LIFR: variants seen among roughly 807,000 people sequenced by gnomAD.
LIFR encodes LIF receptor subunit alpha, also known as leukemia inhibitory factor receptor.
Under a neutral mutation model 122.2 loss-of-function variants are expected in LIFR, and 84 were observed. The ratio of observed to expected loss-of-function variants is 0.69; its 90% confidence interval spans 0.58 to 0.82. The LOEUF is 0.82. Ranked by LOEUF, LIFR falls within the 40% of genes least tolerant of loss-of-function variation. The probability of loss-of-function intolerance (pLI) is 0.00; values close to 1 mark genes in which losing one functional copy is unlikely to be tolerated. For missense variants in LIFR, 1,294 were observed against 1,311.6 expected (o/e 0.99, Z 0.21); for synonymous variants, 422 against 434.7 (o/e 0.97, Z 0.36).
upstream of LIFR, among the ~76,000 whole-genome samples, chr5:38,595,727 CTTTTTTTTTTTT>C (rs70978897): frequency 6.5e-5 from 6 of 91,934 alleles, no homozygotes; most frequent in African/African-American, 2.1e-4. Context: ...CACAATAGGT[CTTTTTTTTTTTT>C]TTTTTTTTTT....
At position 38,482,589 on chromosome 5, in the gene LIFR, C is replaced by A; in HGVS notation, c.2670G>T (p.Glu890Asp). The A allele has an allele frequency of 2.1e-6, 3 of 1,432,632 alleles. No homozygotes were observed. The highest frequency in any genetic ancestry group is 2.9e-6 in the Non-Finnish European group (3 of 1,042,196). The allele number at this position is 1,432,632 out of a possible 1,614,324, so 88.7% of individuals were successfully genotyped here. ...KALQFQKSVC[E>D]GSSALKTLEM... ...TAAATATAAGAAAATAAAAGATTAC[C>A]TCACAGACACTCTTTTGAAACTGTA... The change falls in exon 19 of 20, where the codon GAG becomes GAT. Residue 890 changes from glutamate to aspartate, a missense_variant and splice_region_variant. By Grantham distance (45) the Glu-to-Asp change is conservative (BLOSUM62 2). Coordinates refer to ENST00000453190, the MANE Select transcript of LIFR (RefSeq NM_001127671.2).
chr5:38,603,558 C>T (rs1167613563), intron 2 of LIFR, among the ~76,000 whole-genome samples: 7 of 152,110 alleles, frequency 4.6e-5, no homozygotes, highest in African/African-American at 1.4e-4. Flanking sequence ...ATCCTTACAA[C>T]GTATGTGCAA....
chr5:38,482,239 A>G, intron 19 of LIFR, 21 bp from the exon 20 acceptor site: 1 of 1,598,956 alleles, frequency 6.3e-7, no homozygotes, highest in Non-Finnish European at 8.5e-7. Flanking sequence ...ATTTAAACAC[A>G]GTGATTAAAA....
At chr5:38,559,478 A>G (rs1466136413), upstream of LIFR, among the ~76,000 whole-genome samples, 1 of 152,190 alleles carries the variant, frequency 6.6e-6, no homozygotes, top group East Asian at 1.9e-4. Flanking sequence ...AGTCTCATGG[A>G]TTGAGACTAT....
intron 1 of LIFR, among the ~76,000 whole-genome samples, chr5:38,571,001 C>T (rs1168292339): frequency 1.3e-5 from 2 of 152,178 alleles, no homozygotes; most frequent in Non-Finnish European, 2.9e-5. Flanking sequence ...AAGCACTGAA[C>T]TAAAAATTGG....
intron 1 of LIFR, among the ~76,000 whole-genome samples, chr5:38,570,096 G>A (rs1407566758): frequency 6.6e-6 from 1 of 151,970 alleles, no homozygotes; most frequent in Non-Finnish European, 1.5e-5. Flanking sequence ...CCATTTAATA[G>A]GTCCATAACA....
chr5:38,553,856 T>C (rs892105084), intron 1 of LIFR, among the ~76,000 whole-genome samples: 2 of 151,446 alleles, frequency 1.3e-5, no homozygotes, highest in Admixed American at 6.6e-5. Flanking sequence ...AAGAGCATGC[T>C]GACGAGACCC....
chr5:38,566,502 C>G (rs1232545706), intron 1 of LIFR, among the ~76,000 whole-genome samples: 1 of 152,136 alleles, frequency 6.6e-6, no homozygotes, highest in African/African-American at 2.4e-5. Context: ...TCTCTATACT[C>G]TTGTTCACTA....
intron 1 of LIFR, among the ~76,000 whole-genome samples, chr5:38,573,882 C>T (rs1289722596): frequency 6.6e-6 from 1 of 151,994 alleles, no homozygotes; most frequent in Non-Finnish European, 1.5e-5. Flanking sequence ...ATTTTGGGAG[C>T]CTGAGGGGTA....
intron 5 of LIFR, among the ~76,000 whole-genome samples, chr5:38,517,583 C>T (rs1043207468): frequency 1.3e-5 from 2 of 151,932 alleles, no homozygotes; most frequent in Non-Finnish European, 2.9e-5. Context: ...TAAGGCTGGG[C>T]GCGGTGGCTC....
intron 18 of LIFR, among the ~76,000 whole-genome samples, chr5:38,483,802 C>T (rs996953931): frequency 1.3e-5 from 2 of 152,182 alleles, no homozygotes; most frequent in Admixed American, 6.5e-5. Context: ...TATAGTTCTA[C>T]AACTATTACT....
At chr5:38,521,192 T>A (rs1349246823) in intron 5 of LIFR, among the ~76,000 whole-genome samples, 1 of 152,228 alleles carries the variant, frequency 6.6e-6, no homozygotes, top group African/African-American at 2.4e-5. Flanking sequence ...CTGTAGCTAT[T>A]GTAAATGGGA....
In LIFR at chr5:38,529,120, G is replaced by T. The variant is rs1472389895; in HGVS notation, c.143-280C>A. Among the ~76,000 whole-genome samples, 4 of 151,862 alleles carry T rather than the reference G, an allele frequency of 2.6e-5. No individual in the cohort carries two copies. The East Asian group carries it at 7.8e-4, about 29-fold the overall frequency. ...GGGCCAGCTACTAGACCATTTTGGG[G>T]TTAGGCTGCTATCAAAAATTCCACT... On this transcript the variant is annotated intron_variant, in intron 2 of 19. Coordinates refer to ENST00000453190, the MANE Select transcript of LIFR (RefSeq NM_001127671.2).
chr5:38,579,294 A>G (rs1223594239), intron 1 of LIFR: 4 of 150,458 alleles, frequency 2.7e-5, no homozygotes, highest in Admixed American at 6.6e-5. Flanking sequence ...TACATTGGCC[A>G]AAACAGGTCA....
At chr5:38,598,224 TTTTTTTTTATTTA>T (rs1353521066), upstream of LIFR, among the ~76,000 whole-genome samples, 12 of 64,666 alleles carry the variant, frequency 1.9e-4, no homozygotes, top group Middle Eastern at 6.0e-3. Context: ...TTTTTTTTTT[TTTTTTTTTATTTA>T]TTTATTTATT....
At chr5:38,516,227 CAG>C (rs1359596671) in intron 5 of LIFR, among the ~76,000 whole-genome samples, 4 of 152,144 alleles carry the variant, frequency 2.6e-5, no homozygotes, top group African/African-American at 4.8e-5. Context: ...ACTCACATTT[CAG>C]AGTGTCCCTC....
chr5:38,541,747 A>T (rs1480095548), intron 1 of LIFR, among the ~76,000 whole-genome samples: 1 of 152,256 alleles, frequency 6.6e-6, no homozygotes, highest in Non-Finnish European at 1.5e-5. Flanking sequence ...TACAGGGTGT[A>T]ATAATAGGAT....
At chr5:38,486,553 C>A (rs1744294914) in intron 16 of LIFR, among the ~76,000 whole-genome samples, 1 of 152,072 alleles carries the variant, frequency 6.6e-6, no homozygotes, top group Non-Finnish European at 1.5e-5. Context: ...AAAAATTTAA[C>A]CAGAATAATG....
At chr5:38,521,396 A>G (rs990970457) in intron 5 of LIFR, among the ~76,000 whole-genome samples, 12 of 152,122 alleles carry the variant, frequency 7.9e-5, no homozygotes, top group African/African-American at 2.9e-4. Context: ...CTCTTTCCCA[A>G]TTTGGATCCC....
Sources: allele counts gnomAD v4.1 joint callset (sites outside exome capture counted in the v4.1 genomes callset), GRCh38; gene constraint gnomAD v4.1.1; transcripts MANE v1.5; gene names NCBI Gene and HGNC (gene_info 2026-07-23, HGNC 2026-07-21).